Variants in DEPDC7 observed in about 807,000 individuals in gnomAD.
DEPDC7 encodes the protein DEP domain-containing protein 7.
DEPDC7 carries 41 observed loss-of-function variants against 56.6 expected under a neutral mutation model. The ratio of observed to expected loss-of-function variants is 0.72; its 90% CI spans 0.56 to 0.94. The LOEUF (loss-of-function observed/expected upper bound fraction) is 0.94. DEPDC7 is among the 40% of genes least tolerant of loss of function. DEPDC7 has a pLI of 0.00. For synonymous variants in DEPDC7, 185 were observed against 208.8 expected, an observed-to-expected ratio of 0.89 and a Z score of 0.98; for missense variants, 522 against 596.3, an observed-to-expected ratio of 0.88 and a Z score of 1.30.
At chr11:33,020,493 C>T (rs1308970482) in intron 1 of DEPDC7, among the ~76,000 whole-genome samples, 4 of 152,152 alleles carry the variant, frequency 2.6e-5, no homozygotes, top group Non-Finnish European at 4.4e-5. Context: ...TATTCCTGAG[C>T]CTCCTTAGGC....
chr11:33,032,883 C>G lies in DEPDC7; in HGVS notation c.1264-6C>G. ...ATAATGTCCCATGTCCCTTCTTTTT[C>G]TTAAGATTCCTGGAACTCTACATAA... On this transcript the variant is annotated splice_polypyrimidine_tract_variant and splice_region_variant and intron_variant, in intron 7 of 8. Coordinates refer to ENST00000241051, the MANE Select transcript of DEPDC7 (RefSeq NM_001077242.2). 1.9e-6 allele frequency: 3 copies of G among 1,597,224 alleles called. No individual in the cohort carries two copies. Among genetic ancestry groups the G allele is most frequent in the Non-Finnish European group, 2.6e-6 (3 of 1,173,378 alleles).
chr11:33,021,062 C>A (rs562319558), intron 1 of DEPDC7, among the ~76,000 whole-genome samples: 2 of 152,068 alleles, frequency 1.3e-5, no homozygotes, highest in East Asian at 3.9e-4. Flanking sequence ...TCCTGGCCAA[C>A]ATGGTGAAAC....
At chr11:33,028,818 T>A (rs573258251) in intron 4 of DEPDC7, 26 bp downstream of exon 4, 2 of 1,542,740 alleles carry the variant, frequency 1.3e-6, no homozygotes, top group Non-Finnish European at 1.8e-6. Flanking sequence ...TATAATAATT[T>A]GAGTGTGTTT....
At chr11:33,019,371 A>C (rs1785787402) in intron 1 of DEPDC7, among the ~76,000 whole-genome samples, 1 of 152,034 alleles carries the variant, frequency 6.6e-6, no homozygotes, top group African/African-American at 2.4e-5. Context: ...TTCCTTTAAA[A>C]ATTTTTTTTA....
intron 1 of DEPDC7, among the ~76,000 whole-genome samples, chr11:33,021,742 A>G (rs1853526383): frequency 6.6e-6 from 1 of 152,104 alleles, no homozygotes; most frequent in African/African-American, 2.4e-5. Context: ...GGGACCTGTG[A>G]GGGCTGCATT....
intron 1 of DEPDC7, among the ~76,000 whole-genome samples, chr11:33,016,841 A>G (rs1853468572): frequency 6.6e-6 from 1 of 152,228 alleles, no homozygotes; most frequent in African/African-American, 2.4e-5. Context: ...ATAACTGTTA[A>G]GATACTCAGA....
rs2273540 is a variant in DEPDC7 at position 33,033,248 on chromosome 11, T to A, written c.1343-14T>A. 8 of 1,551,132 alleles carry A rather than the reference T, an allele frequency of 5.2e-6. No homozygotes were observed. Among genetic ancestry groups the A allele is most frequent in the African/African-American group, 1.4e-5 (1 of 71,784 alleles). On this transcript the variant is annotated splice_polypyrimidine_tract_variant and intron_variant, in intron 8 of 8. Transcript: ENST00000241051. ...TTGAGTCATTAACTGAACTTTTTACTTTTAAACTTTAAGGATATATTTATT... is the reference window on the plus strand; with the variant it reads ...TTGAGTCATTAACTGAACTTTTTACATTTAAACTTTAAGGATATATTTATT...
chr11:33,027,573 T>C, intron 2 of DEPDC7, 113 bp from the exon 3 acceptor site: 1 of 878,774 alleles, frequency 1.1e-6, no homozygotes, highest in Non-Finnish European at 1.6e-6. Flanking sequence ...AATTTGGATT[T>C]GTTGTGTTTT....
intron 1 of DEPDC7, among the ~76,000 whole-genome samples, chr11:33,021,849 C>G (rs1853527473): frequency 6.6e-6 from 1 of 152,154 alleles, no homozygotes; most frequent in Non-Finnish European, 1.5e-5. Flanking sequence ...GTTATACAAC[C>G]TGCAGAACCT....
intron 1 of DEPDC7, chr11:33,016,237 G>A (rs1361539084): frequency 2.9e-5 from 38 of 1,318,414 alleles, no homozygotes; most frequent in Non-Finnish European, 3.5e-5. Flanking sequence ...GGCTGCAAGC[G>A]GCAGAGCCCG....
At position 33,016,015 on chromosome 11, in the gene DEPDC7, G is replaced by T. The variant is rs761835046; in HGVS notation, c.60G>T (p.Ala20=). The T allele has an allele frequency of 1.3e-4, 199 of 1,549,374 alleles. 1 individual carries two copies. The highest frequency in any genetic ancestry group is 1.0e-4 in the East Asian group (4 of 39,442). The change falls in exon 1 of 9, where the codon GCG becomes GCT. Residue 20 remains alanine (A), a synonymous_variant. Coordinates refer to ENST00000241051, the MANE Select transcript of DEPDC7 (RefSeq NM_001077242.2). The stretch of plus-strand genomic sequence containing the variant: ...ACCTCTCGGCTCTCCACAGCCCCGC[G>T]CACAGGCCTCCGGGTAGGTGCCGAG... ...ALNLSALHSP[A]HRPPGFSVAQ...
At chr11:33,020,217 G>A (rs1853509565) in intron 1 of DEPDC7, among the ~76,000 whole-genome samples, 1 of 152,084 alleles carries the variant, frequency 6.6e-6, no homozygotes, top group African/African-American at 2.4e-5. Flanking sequence ...TTATGACTCA[G>A]TTATTTAGTG....
At chr11:33,026,225 T>C (rs1050499113) in intron 2 of DEPDC7, 176 bp downstream of exon 2, 64 of 648,498 alleles carry the variant, frequency 9.9e-5, no homozygotes, top group Admixed American at 5.5e-4. Context: ...GGGTGTCTCC[T>C]AGTCATATTT....
Position 33,025,872 on chromosome 11 carries a change from T to C in DEPDC7, c.287T>C (p.Val96Ala), listed in dbSNP as rs1304318927. ...GTAGATATTCCTCGAGCCAAAGTGGTGAGAGTGTGTCAAGCGCTTATGGAC... is the reference window on the plus strand; with the variant it reads ...GTAGATATTCCTCGAGCCAAAGTGGCGAGAGTGTGTCAAGCGCTTATGGAC... ...GDVDIPRAKV[V>A]RVCQALMDYK... The change falls in exon 2 of 9, where the codon GTG becomes GCG. Residue 96 changes from valine to alanine, a missense_variant. By Grantham distance (64) the Val-to-Ala change is moderately conservative. Coordinates refer to ENST00000241051, the MANE Select transcript of DEPDC7 (RefSeq NM_001077242.2). 6.2e-7 allele frequency: 1 copy of C among 1,614,132 alleles called. No individual in the cohort carries two copies. Among genetic ancestry groups the C allele is most frequent in the South Asian group, 1.1e-5 (1 of 91,084 alleles).
chr11:33,032,639 T>C (rs1372895958), intron 6 of DEPDC7, 29 bp from the exon 7 acceptor site: 7 of 1,441,622 alleles, frequency 4.9e-6, no homozygotes, highest in Admixed American at 2.1e-5. Context: ...AAATATATAC[T>C]ATTGGATATA....
In DEPDC7 at chr11:33,025,823, A is replaced by C. The variant is rs533528680; in HGVS notation, c.238A>C (p.Ile80Leu). The C allele has an allele frequency of 3.7e-6, 6 of 1,614,176 alleles. No individual in the cohort carries two copies. The East Asian group carries it at 1.3e-4, about 36-fold the overall frequency. ...EAVDVIFSHL[I>L]QNKYFGDVDI... Reference sequence around the variant, plus strand: ...TGTGGATGTCATTTTTTCTCACCTAATTCAGAATAAGTATTTTGGTGATGT... The same window carrying C: ...TGTGGATGTCATTTTTTCTCACCTACTTCAGAATAAGTATTTTGGTGATGT... The change falls in exon 2 of 9, where the codon ATT becomes CTT. Residue 80 changes from isoleucine (I) to leucine (L), a missense_variant. Transcript: ENST00000241051.
intron 1 of DEPDC7, among the ~76,000 whole-genome samples, chr11:33,019,671 A>G (rs1853503117): frequency 6.6e-6 from 1 of 152,212 alleles, no homozygotes; most frequent in African/African-American, 2.4e-5. Flanking sequence ...GTCTCAAAAA[A>G]GAAAAAAAAG....
chr11:33,016,090 C>G, intron 1 of DEPDC7, 62 bp downstream of exon 1: 1 of 1,309,332 alleles, frequency 7.6e-7, no homozygotes, highest in East Asian at 3.2e-5. Context: ...CGGGCTGGGT[C>G]CCGGCGCGGG....
At chr11:33,025,570 A>G in intron 1 of DEPDC7, 89 bp from the exon 2 acceptor site, 1 of 1,269,314 alleles carries the variant, frequency 7.9e-7, no homozygotes, top group Admixed American at 2.3e-5. Context: ...TTTGGAAATT[A>G]CCACATTTTT....
Sources: allele counts gnomAD v4.1 joint callset (sites outside exome capture counted in the v4.1 genomes callset), GRCh38; gene constraint gnomAD v4.1.1; transcripts MANE v1.5; gene names NCBI Gene and HGNC (gene_info 2026-07-23, HGNC 2026-07-21).